The following GLIS3 variants were observed in gnomAD, a reference collection of about 807,000 sequenced individuals.
GLIS3 encodes GLIS family zinc finger 3, also known as zinc finger protein GLIS3.
In GLIS3, 53 loss-of-function variants were observed where a neutral mutation model predicts 78.6. The ratio of observed to expected loss-of-function variants is 0.67; its 90% CI spans 0.54 to 0.85. The LOEUF is 0.85. GLIS3 is among the 40% of genes least tolerant of loss of function. The pLI, the probability that GLIS3 is intolerant of heterozygous loss-of-function variation, is 0.00. For synonymous variants in GLIS3, 684 were observed against 509.9 expected (o/e 1.34, Z -4.60); for missense variants, 1,703 against 1,231.1 (o/e 1.38, Z -5.74).
At chr9:4,014,250 G>C (rs748555583) in intron 4 of GLIS3, among the ~76,000 whole-genome samples, 13 of 152,134 alleles carry the variant, frequency 8.5e-5, no homozygotes, top group African/African-American at 1.7e-4. Context: ...ACTGCAGAAG[G>C]TTAAGTCACA....
chr9:4,479,065 A>G, the GLIS3 span, among the ~76,000 whole-genome samples: 1 of 152,174 alleles, frequency 6.6e-6, no homozygotes, highest in East Asian at 1.9e-4. Flanking sequence ...TTTTAAATAT[A>G]TATATTTTTC....
chr9:4,299,927 T>C lies in GLIS3; in HGVS notation c.-605A>G, dbSNP rs890470640. ...GTACAGGGGGTCCCGGGAGGGGCAGTGGCCGCGGCACTCGCCGCCGGTGCC... is the reference window on the plus strand; with the variant it reads ...GTACAGGGGGTCCCGGGAGGGGCAGCGGCCGCGGCACTCGCCGCCGGTGCC... On this transcript the variant is annotated 5_prime_UTR_variant, in exon 1 of 11. Coordinates refer to ENST00000381971, the MANE Select transcript of GLIS3 (RefSeq NM_001042413.2). 1 of 151,856 alleles carries C rather than the reference T, an allele frequency of 6.6e-6. No homozygotes were observed. Among genetic ancestry groups the C allele is most frequent in the Non-Finnish European group, 1.5e-5 (1 of 67,960 alleles). The allele number at this position is 151,856 out of a possible 1,614,324, so 9.4% of individuals were successfully genotyped here. A position where few individuals can be genotyped will look rare whatever the true frequency, so the allele number is the denominator to read the frequency against.
intron 8 of GLIS3, among the ~76,000 whole-genome samples, chr9:3,862,438 A>T (rs550793377): frequency 6.6e-6 from 1 of 152,124 alleles, no homozygotes; most frequent in Non-Finnish European, 1.5e-5. Context: ...ATATACCTTT[A>T]GTCTTTCTAA....
At chr9:3,964,416 T>C (rs1257581923) in intron 4 of GLIS3, among the ~76,000 whole-genome samples, 1 of 151,878 alleles carries the variant, frequency 6.6e-6, no homozygotes, top group African/African-American at 2.4e-5. Context: ...GTCAAGACGT[T>C]ACCCCCCCAA....
rs146617299 is a variant in GLIS3, at chr9:4,320,187, C to G, written n.265-9659G>C. Among the ~76,000 whole-genome samples the G allele has an allele frequency of 2.2e-4, 34 of 152,328 alleles. No individual in the cohort carries two copies. In the South Asian group the frequency reaches 4.3e-3, roughly 19 times the overall value. On this transcript the variant is annotated intron_variant and non_coding_transcript_variant, in intron 2 of 4. Coordinates refer to the GLIS3 transcript ENST00000471664. ...ACATGTCATGTTTTTTATAGGTCAA[C>G]AAATTCCCTTCCATTCTGAATGTCT...
At chr9:4,085,703 TC>T (rs1828966420) in intron 4 of GLIS3, among the ~76,000 whole-genome samples, 1 of 152,140 alleles carries the variant, frequency 6.6e-6, no homozygotes, top group African/African-American at 2.4e-5. Flanking sequence ...TTTAGCGCTA[TC>T]CCCTCGGTGC....
chr9:4,331,839 C>T (rs1817688756), intron 2 of GLIS3, among the ~76,000 whole-genome samples: 1 of 152,068 alleles, frequency 6.6e-6, no homozygotes, highest in African/African-American at 2.4e-5. Context: ...ACAGAGAGAA[C>T]ACATGAACAA....
At chr9:4,397,121 G>A in the GLIS3 span, among the ~76,000 whole-genome samples, 4 of 140,256 alleles carry the variant, frequency 2.9e-5, 1 homozygote, top group East Asian at 8.1e-4. Flanking sequence ...CACCTCCTGG[G>A]TTCACGCCAT....
At chr9:4,073,969 G>C (rs1827838540) in intron 4 of GLIS3, among the ~76,000 whole-genome samples, 1 of 152,108 alleles carries the variant, frequency 6.6e-6, no homozygotes, top group African/African-American at 2.4e-5. Context: ...GCTGTAGAAG[G>C]CCATCATACG....
intron 2 of GLIS3, among the ~76,000 whole-genome samples, chr9:4,243,976 C>T (rs1823566447): frequency 6.6e-6 from 1 of 152,228 alleles, no homozygotes; most frequent in Admixed American, 6.5e-5. Context: ...CTTTCCCTTG[C>T]TGAGAACATC....
chr9:4,118,197 C>T lies in GLIS3; in HGVS notation c.1281G>A (p.Leu427=), dbSNP rs1400338070. Residue 427 remains leucine (L), a synonymous_variant, in exon 4 of 11, where the codon CTG becomes CTA. Coordinates refer to ENST00000381971, the MANE Select transcript of GLIS3 (RefSeq NM_001042413.2). The surrounding 1 kb of genome is among the most constrained non-coding windows in gnomAD (Gnocchi z 4.7). ...ACTCCTCCAGGCGTTCGGTCTTGAA[C>T]AGGCCGGCCGACTGGCTGTCGGGGC... is the stretch of plus-strand genomic sequence containing the variant. ...LPGPDSQSAG[L]FKTERLEEFP... is the part of the protein sequence containing the mutation. 29 of 1,584,870 alleles carry T rather than the reference C, an allele frequency of 1.8e-5. No homozygotes were observed. The highest frequency in any genetic ancestry group is 2.4e-5 in the Non-Finnish European group (28 of 1,165,374).
At chr9:4,374,793 G>C in the GLIS3 span, among the ~76,000 whole-genome samples, 1 of 152,244 alleles carries the variant, frequency 6.6e-6, no homozygotes, top group East Asian at 1.9e-4. Context: ...GCTACACTCG[G>C]AGAGAACCAC....
intron 2 of GLIS3, among the ~76,000 whole-genome samples, chr9:4,278,983 A>T (rs1241044236): frequency 6.6e-6 from 1 of 152,204 alleles, no homozygotes; most frequent in Non-Finnish European, 1.5e-5. Context: ...AGTGTGGAAC[A>T]AGACAACTCA....
intron 4 of GLIS3, among the ~76,000 whole-genome samples, chr9:4,082,766 T>C (rs918173314): frequency 1.3e-5 from 2 of 152,228 alleles, no homozygotes; most frequent in South Asian, 4.1e-4. Context: ...ACTCTTTACT[T>C]GCATATTCTG....
At chr9:4,486,687 T>C in the GLIS3 span, among the ~76,000 whole-genome samples, 1 of 152,138 alleles carries the variant, frequency 6.6e-6, no homozygotes, top group Non-Finnish European at 1.5e-5. Flanking sequence ...GCCTTGGTCC[T>C]CCCAGTGTGA....
intron 2 of GLIS3, among the ~76,000 whole-genome samples, chr9:4,128,687 G>C (rs1439374705): frequency 6.6e-6 from 1 of 152,208 alleles, no homozygotes; most frequent in African/African-American, 2.4e-5. Flanking sequence ...TATGAAGTCA[G>C]TGGGGGTAGT....
intron 4 of GLIS3, among the ~76,000 whole-genome samples, chr9:4,063,227 T>C (rs1324780942): frequency 2.6e-5 from 4 of 152,204 alleles, no homozygotes; most frequent in Admixed American, 6.5e-5. Context: ...TTATTACTCA[T>C]ATGTGTTTTT....
intron 4 of GLIS3, among the ~76,000 whole-genome samples, chr9:4,307,603 G>A (rs1817262173): frequency 6.6e-6 from 1 of 152,130 alleles, no homozygotes; most frequent in African/African-American, 2.4e-5. Context: ...AGATTACATG[G>A]CAAAAAGGAC....
At chr9:4,104,877 T>TGAGGACTGGCATGAAA (rs1830637553) in intron 4 of GLIS3, among the ~76,000 whole-genome samples, 1 of 152,218 alleles carries the variant, frequency 6.6e-6, no homozygotes, top group Admixed American at 6.5e-5. Flanking sequence ...TCCCCAGTGC[T>TGAGGACTGGCATGAAA]TAGAAGAGAG....
Sources: gnomAD v4.1 joint callset for allele counts (sites outside exome capture counted in the v4.1 genomes callset) on GRCh38, gnomAD v4.1.1 for gene constraint, Gnocchi (gnomAD v3.1) non-coding constraint, MANE v1.5 for transcripts, NCBI Gene and HGNC (gene_info 2026-07-23, HGNC 2026-07-21) for gene names.